The following METTL25 variants were observed in gnomAD, a reference collection of about 807,000 sequenced individuals.
METTL25 encodes probable methyltransferase-like protein 25.
A neutral mutation model predicts 71.6 loss-of-function variants in METTL25; 64 were observed. The ratio of observed to expected loss-of-function variants is 0.89; its 90% CI spans 0.73 to 1.10. The LOEUF is 1.10. Ranked by LOEUF, METTL25 falls within the 50% of genes least tolerant of loss-of-function variation. METTL25 has a pLI of 0.00. For synonymous variants in METTL25, 287 were observed against 250.3 expected (o/e 1.15, Z -1.38); for missense variants, 807 against 707.0 (o/e 1.14, Z -1.60).
chr12:82,444,827 G>A (rs1334235822), intron 8 of METTL25, among the ~76,000 whole-genome samples: 1 of 152,012 alleles, frequency 6.6e-6, no homozygotes, highest in Non-Finnish European at 1.5e-5. Flanking sequence ...CCTACAGGAA[G>A]CTCACTGCAC....
intron 1 of METTL25, among the ~76,000 whole-genome samples, chr12:82,363,960 TAAAG>T (rs1882268016): frequency 1.3e-5 from 2 of 152,204 alleles, no homozygotes; most frequent in Non-Finnish European, 2.9e-5. Flanking sequence ...CTGGGAGAAT[TAAAG>T]GAAACTATGG....
In METTL25 at chr12:82,399,129, T is replaced by C. The variant is rs1422612477; in HGVS notation, c.866T>C (p.Ile289Thr). 9 of 1,613,776 alleles carry C rather than the reference T, an allele frequency of 5.6e-6. No homozygotes were observed. The highest frequency in any genetic ancestry group is 3.3e-5 in the South Asian group (3 of 91,050). The change falls in exon 4 of 12, where the codon ATC becomes ACC. Residue 289 changes from isoleucine to threonine, a missense_variant. Coordinates refer to ENST00000248306, the MANE Select transcript of METTL25 (RefSeq NM_032230.3). ...TTTTCTGGCTCTGTAATTTCTAATA[T>C]CAGAAACCAAATGGAAACCCTTCAT... ...PDFSGSVISNIRNQMETLHSQ... is the reference protein window; with the variant it reads ...PDFSGSVISNTRNQMETLHSQ...
chr12:82,454,605 G>A (rs1891356565), intron 8 of METTL25, among the ~76,000 whole-genome samples: 1 of 151,922 alleles, frequency 6.6e-6, no homozygotes, highest in South Asian at 2.1e-4. Flanking sequence ...TAACCATACT[G>A]TGATACTTTG....
In METTL25 at chr12:82,477,266, A is replaced by G; in HGVS notation, c.1648-15A>G. On this transcript the variant is annotated splice_polypyrimidine_tract_variant and intron_variant, in intron 10 of 11. Coordinates refer to ENST00000248306, the MANE Select transcript of METTL25 (RefSeq NM_032230.3). ...TAAGTACCACCAACCTACCTATCTA[A>G]TTTTTTTATTTTAGTTGAAAGTTGT... is the stretch of plus-strand genomic sequence containing the variant. The G allele has an allele frequency of 7.1e-7, 1 of 1,415,660 alleles. No homozygotes were observed. The highest frequency in any genetic ancestry group is 9.6e-7 in the Non-Finnish European group (1 of 1,038,320). The allele number at this position is 1,415,660 out of a possible 1,614,324, so 87.7% of individuals were successfully genotyped here.
intron 5 of METTL25, among the ~76,000 whole-genome samples, chr12:82,412,537 A>G (rs371757286): frequency 6.6e-6 from 1 of 152,244 alleles, no homozygotes; most frequent in African/African-American, 2.4e-5. Context: ...TGGACCCAGT[A>G]AGAGCCAGCT....
chr12:82,380,995 G>A (rs1431567784), intron 1 of METTL25, among the ~76,000 whole-genome samples: 4 of 152,148 alleles, frequency 2.6e-5, no homozygotes, highest in Non-Finnish European at 4.4e-5. Flanking sequence ...ATTCCATGTG[G>A]CATCCAATAG....
At chr12:82,439,252 T>C (rs140330414) in intron 8 of METTL25, among the ~76,000 whole-genome samples, 1 of 151,844 alleles carries the variant, frequency 6.6e-6, no homozygotes, top group African/African-American at 2.4e-5. Context: ...GCTAGTAGAA[T>C]ACTAGCACTA....
At chr12:82,399,898 A>G (rs1170282129) in intron 4 of METTL25, among the ~76,000 whole-genome samples, 4 of 151,742 alleles carry the variant, frequency 2.6e-5, no homozygotes, top group East Asian at 3.9e-4. Flanking sequence ...GCATGTTGAA[A>G]CAGTATTATA....
chr12:82,391,293 G>T (rs1432555845), intron 3 of METTL25, among the ~76,000 whole-genome samples: 1 of 151,996 alleles, frequency 6.6e-6, no homozygotes, highest in East Asian at 1.9e-4. Flanking sequence ...AAATATAGAA[G>T]TGGCCAAAAC....
At chr12:82,372,367 G>A (rs981267860) in intron 1 of METTL25, among the ~76,000 whole-genome samples, 3 of 152,110 alleles carry the variant, frequency 2.0e-5, no homozygotes, top group Non-Finnish European at 2.9e-5. Context: ...CTGGGCAGGG[G>A]AGATTAGAGG....
intron 3 of METTL25, among the ~76,000 whole-genome samples, chr12:82,395,614 A>T (rs76346145): frequency 6.6e-6 from 1 of 152,066 alleles, no homozygotes; most frequent in African/African-American, 2.4e-5. Context: ...TATCTTTACT[A>T]TCTAAAGTAC....
chr12:82,465,898 A>G (rs530793100), intron 9 of METTL25, among the ~76,000 whole-genome samples: 13 of 150,920 alleles, frequency 8.6e-5, no homozygotes, highest in Admixed American at 6.6e-5. Flanking sequence ...ATAGCTGTTC[A>G]TAGTAGTTTC....
At chr12:82,375,370 C>A (rs1883725925) in intron 1 of METTL25, among the ~76,000 whole-genome samples, 1 of 152,090 alleles carries the variant, frequency 6.6e-6, no homozygotes, top group Non-Finnish European at 1.5e-5. Flanking sequence ...AAGCAGAGAG[C>A]AACCCTCAAT....
chr12:82,363,842 G>A (rs987688316), intron 1 of METTL25, among the ~76,000 whole-genome samples: 3 of 151,828 alleles, frequency 2.0e-5, no homozygotes, highest in South Asian at 2.1e-4. Context: ...AGTGTGACCC[G>A]TATTTAGGAA....
At chr12:82,391,901 A>C (rs1285231825) in intron 3 of METTL25, among the ~76,000 whole-genome samples, 1 of 151,248 alleles carries the variant, frequency 6.6e-6, no homozygotes, top group African/African-American at 2.4e-5. Context: ...CACCTACCTT[A>C]ATGCTTTTTG....
At position 82,438,745 on chromosome 12, in the gene METTL25, G is replaced by T; in HGVS notation, c.1432G>T (p.Ala478Ser). ...GCCTACTGAATCACTCTTCTATCGT[G>T]CTGTTCTTCAGGATATTATTAAAGA... ...GLPTESLFYR[A>S]VLQDIIKDCY... Residue 478 changes from alanine (A) to serine (S), a missense_variant, in exon 8 of 12, where the codon GCT becomes TCT. By Grantham distance (99) the Ala-to-Ser change is moderately conservative. Coordinates refer to ENST00000248306, the MANE Select transcript of METTL25 (RefSeq NM_032230.3). 6.5e-7 allele frequency: 1 copy of T among 1,539,222 alleles called. No individual in the cohort carries two copies. Among genetic ancestry groups the T allele is most frequent in the South Asian group, 1.2e-5 (1 of 80,182 alleles).
At chr12:82,415,405 A>G (rs1887891034) in intron 5 of METTL25, among the ~76,000 whole-genome samples, 1 of 152,130 alleles carries the variant, frequency 6.6e-6, no homozygotes, top group African/African-American at 2.4e-5. Context: ...GAAAAAAAGG[A>G]TATTGTAAAT....
At chr12:82,462,323 A>G (rs1444200043) in intron 9 of METTL25, among the ~76,000 whole-genome samples, 2 of 152,116 alleles carry the variant, frequency 1.3e-5, no homozygotes, top group Non-Finnish European at 2.9e-5. Flanking sequence ...ATCTAGCTAT[A>G]ATTTTGTATT....
At chr12:82,408,735 A>C (rs1052019952) in intron 5 of METTL25, among the ~76,000 whole-genome samples, 46 of 152,098 alleles carry the variant, frequency 3.0e-4, no homozygotes, top group African/African-American at 1.1e-3. Context: ...TATGCTATGG[A>C]GGCCTAGTAT....
Sources: gnomAD v4.1 joint callset for allele counts (sites outside exome capture counted in the v4.1 genomes callset) on GRCh38, gnomAD v4.1.1 for gene constraint, MANE v1.5 for transcripts, NCBI Gene and HGNC (gene_info 2026-07-23, HGNC 2026-07-21) for gene names.